Variants in TCF4 observed in about 807,000 individuals in gnomAD.
The protein encoded by TCF4 is transcription factor 4, also known as SL3-3 enhancer factor 2.
TCF4 carries 3 observed loss-of-function variants against 82.1 expected under a neutral mutation model. The ratio of observed to expected loss-of-function variants is 0.04; its 90% CI spans 0.02 to 0.09. The LOEUF is 0.09. Ranked by LOEUF, TCF4 falls within the 10% of genes least tolerant of loss-of-function variation. The pLI is 1.00. For synonymous variants in TCF4, 276 were observed against 309.6 expected (o/e 0.89, Z 1.14); for missense variants, 518 against 852.7 (o/e 0.61, Z 4.89).
At chr18:55,564,028 G>A (rs2097378602) in intron 3 of TCF4, among the ~76,000 whole-genome samples, 1 of 152,186 alleles carries the variant, frequency 6.6e-6, no homozygotes, top group South Asian at 2.1e-4. Context: ...AGCAAATTCA[G>A]CACGCACTGA....
chr18:55,499,033 G>T (rs899125544), intron 3 of TCF4, among the ~76,000 whole-genome samples: 1 of 152,042 alleles, frequency 6.6e-6, no homozygotes, highest in East Asian at 1.9e-4. Flanking sequence ...GATCTTCAAC[G>T]ATGGGTTCAT....
At chr18:55,263,425 T>C (rs1229466770) in intron 11 of TCF4, among the ~76,000 whole-genome samples, 2 of 152,050 alleles carry the variant, frequency 1.3e-5, no homozygotes, top group Admixed American at 6.6e-5. Context: ...AGTGTGAAAA[T>C]GAGAAGAATT....
rs1008989850 is a variant in TCF4 at position 55,368,797 on chromosome 18, C to T, written c.370-17794G>A. On this transcript the variant is annotated intron_variant, in intron 6 of 19. Coordinates refer to ENST00000354452, the MANE Select transcript of TCF4 (RefSeq NM_001083962.2). The stretch of plus-strand genomic sequence containing the variant: ...AAGAAGACTTCAAAGTCATGATAAT[C>T]AAATGCAACGTGTGAACCTGGTTTG... Among the ~76,000 whole-genome samples the T allele has an allele frequency of 7.9e-5, 12 of 152,192 alleles. No homozygotes were observed. In the East Asian group the frequency reaches 9.6e-4, roughly 12 times the overall value.
At chr18:55,268,986 T>C (rs1200070623) in intron 11 of TCF4, 2 of 152,306 alleles carry the variant, frequency 1.3e-5, no homozygotes, top group East Asian at 3.9e-4. Context: ...CAACAAGGTG[T>C]CAAAGCTGGT....
chr18:55,383,666 A>G (rs2145924443), intron 6 of TCF4, among the ~76,000 whole-genome samples: 1 of 152,334 alleles, frequency 6.6e-6, no homozygotes, highest in East Asian at 1.9e-4. Flanking sequence ...AATGTCCCAA[A>G]GAGGCAGTCC....
At chr18:55,559,359 A>G (rs1034280985) in intron 3 of TCF4, among the ~76,000 whole-genome samples, 4 of 152,156 alleles carry the variant, frequency 2.6e-5, no homozygotes, top group Admixed American at 1.3e-4. Context: ...AATATGTAGT[A>G]CGTTGCTAAT....
intron 15 of TCF4, among the ~76,000 whole-genome samples, chr18:55,249,912 A>C (rs560305627): frequency 6.6e-6 from 1 of 152,214 alleles, no homozygotes; most frequent in African/African-American, 2.4e-5. Context: ...TTCAGGCCTC[A>C]TCTGTGGATG....
intron 3 of TCF4, among the ~76,000 whole-genome samples, chr18:55,545,636 G>T (rs367543661): frequency 4.6e-5 from 7 of 152,118 alleles, no homozygotes; most frequent in Non-Finnish European, 5.9e-5. Context: ...TTTCAGTAGA[G>T]ACAGGGTTTT....
intron 10 of TCF4, among the ~76,000 whole-genome samples, chr18:55,271,454 G>A (rs780385163): frequency 1.1e-4 from 16 of 152,062 alleles, no homozygotes; most frequent in Non-Finnish European, 1.5e-4. Flanking sequence ...ACTTATTTGA[G>A]AGCCAACTAG....
chr18:55,248,054 G>A (rs556336813), intron 15 of TCF4, among the ~76,000 whole-genome samples: 1 of 152,180 alleles, frequency 6.6e-6, no homozygotes, highest in East Asian at 1.9e-4. Flanking sequence ...AATTCCCTGA[G>A]AGTCCATGGG....
At chr18:55,582,784 T>C (rs994696164) in intron 3 of TCF4, among the ~76,000 whole-genome samples, 1 of 152,126 alleles carries the variant, frequency 6.6e-6, no homozygotes, top group Non-Finnish European at 1.5e-5. Flanking sequence ...AGTCTACTTA[T>C]AGTTTAGATC....
chr18:55,332,576 A>C (rs2077790501), intron 8 of TCF4, among the ~76,000 whole-genome samples: 1 of 152,232 alleles, frequency 6.6e-6, no homozygotes, highest in Non-Finnish European at 1.5e-5. Context: ...CTTATAAAGC[A>C]TTACAAAATG....
chr18:55,622,072 A>G (rs2097721644), intron 2 of TCF4, among the ~76,000 whole-genome samples: 2 of 138,012 alleles, frequency 1.4e-5, no homozygotes, highest in South Asian at 2.1e-4. Context: ...CTGTATATAT[A>G]ATATATATAT....
At chr18:55,528,017 T>G (rs909741263) in intron 3 of TCF4, among the ~76,000 whole-genome samples, 2 of 152,178 alleles carry the variant, frequency 1.3e-5, no homozygotes, top group Non-Finnish European at 2.9e-5. Flanking sequence ...GAAACTCTTT[T>G]GTTGAATCTT....
At position 55,279,547 on chromosome 18, in the gene TCF4, T is replaced by A. The variant is rs748830832; in HGVS notation, c.655+4A>T. 1.2e-5 allele frequency: 19 copies of A among 1,613,840 alleles called. No individual in the cohort carries two copies. The highest frequency in any genetic ancestry group is 1.5e-5 in the Non-Finnish European group (18 of 1,179,844). On this transcript the variant is annotated splice_donor_region_variant and intron_variant, in intron 9 of 19. Transcript: ENST00000354452. ...CCTTTCCCTCAGAAGCAGCAGCATCTTACCTTGCATGAAGAAGGAGCTAGG... is the reference window on the plus strand; with the variant it reads ...CCTTTCCCTCAGAAGCAGCAGCATCATACCTTGCATGAAGAAGGAGCTAGG...
intron 3 of TCF4, among the ~76,000 whole-genome samples, chr18:55,537,060 G>A (rs1370841002): frequency 6.6e-6 from 1 of 151,674 alleles, no homozygotes; most frequent in African/African-American, 2.4e-5. Context: ...CATGAACCTG[G>A]GAGGCAGAGC....
intron 8 of TCF4, among the ~76,000 whole-genome samples, chr18:55,319,992 TAAGGGCTA>T (rs2075098889): frequency 6.6e-6 from 1 of 152,196 alleles, no homozygotes; most frequent in African/African-American, 2.4e-5. Context: ...TCATTACGGA[TAAGGGCTA>T]TCTAATCCCT....
intron 15 of TCF4, among the ~76,000 whole-genome samples, chr18:55,236,467 T>A (rs1787255): frequency 4.7e-5 from 7 of 150,298 alleles, no homozygotes; most frequent in African/African-American, 1.2e-4. Context: ...TTTTTTTTTT[T>A]AAACATATTC....
intron 5 of TCF4, among the ~76,000 whole-genome samples, chr18:55,407,653 A>T (rs1041559135): frequency 3.7e-5 from 5 of 134,524 alleles, no homozygotes; most frequent in Admixed American, 2.2e-4. Context: ...TCCATATAAA[A>T]AAAAAAAAAA....
Sources: allele counts gnomAD v4.1 joint callset (sites outside exome capture counted in the v4.1 genomes callset), GRCh38; gene constraint gnomAD v4.1.1; transcripts MANE v1.5; gene names NCBI Gene and HGNC (gene_info 2026-07-23, HGNC 2026-07-21).